Variants in KIF21B observed in about 807,000 individuals in gnomAD.
The protein encoded by KIF21B is kinesin-like protein KIF21B.
Under a neutral mutation model 192.9 loss-of-function variants are expected in KIF21B, and 85 were observed. That is an observed-to-expected ratio of 0.44 (90% CI 0.37 to 0.53). The LOEUF (loss-of-function observed/expected upper bound fraction) is 0.53. Ranked by LOEUF, KIF21B falls within the 20% of genes least tolerant of loss-of-function variation. The probability of loss-of-function intolerance (pLI) is 0.00; values close to 1 mark genes in which losing one functional copy is unlikely to be tolerated. For missense variants in KIF21B, 1,716 were observed against 2,194.8 expected (o/e 0.78, Z 4.36); for synonymous variants, 832 against 884.6 (o/e 0.94, Z 1.05).
chr1:200,973,913 C>T (rs1428364261), intron 34 of KIF21B: 116 of 1,491,812 alleles, frequency 7.8e-5, no homozygotes, highest in South Asian at 2.0e-4. Flanking sequence ...TGGAAAAGGA[C>T]GGTGGGTGCA....
chr1:201,018,512 G>A (rs911837715), intron 1 of KIF21B, among the ~76,000 whole-genome samples: 1 of 152,198 alleles, frequency 6.6e-6, no homozygotes, highest in Admixed American at 6.5e-5. Flanking sequence ...TCATGTTCAC[G>A]GCCACTGTGT....
At chr1:201,006,576 T>C (rs941230967) in intron 3 of KIF21B, among the ~76,000 whole-genome samples, 2 of 152,028 alleles carry the variant, frequency 1.3e-5, no homozygotes. Context: ...ATGGTGCAGA[T>C]GGGGGCCTAC....
chr1:200,975,744 G>A lies in KIF21B; in HGVS notation c.4444-75C>T. The A allele has an allele frequency of 7.0e-7, 1 of 1,420,990 alleles. No individual in the cohort carries two copies. The allele number at this position is 1,420,990 out of a possible 1,614,324, so 88.0% of individuals were successfully genotyped here. On this transcript the variant is annotated intron_variant, in intron 32 of 34. Transcript: ENST00000461742. The surrounding 1 kb of genome is among the most constrained non-coding windows in gnomAD (Gnocchi z 4.3). ...CAGGGCCTACAGCACTGTGGACCCA[G>A]AGGCCTGAAGACCCAGGAGTCTGGC...
intron 34 of KIF21B, chr1:200,974,232 GGGA>G: frequency 6.6e-7 from 1 of 1,516,684 alleles, no homozygotes; most frequent in Non-Finnish European, 8.8e-7. Flanking sequence ...GAGGAGAGGT[GGGA>G]GGAGATGGGA....
chr1:200,974,086 T>C (rs758602711), intron 34 of KIF21B: 30 of 1,611,264 alleles, frequency 1.9e-5, no homozygotes, highest in Non-Finnish European at 2.5e-5. Flanking sequence ...CAGGGAGAGT[T>C]GGGGAGGGTC....
At chr1:200,985,090 A>G (rs1656198928) in intron 26 of KIF21B, 118 bp from the exon 27 acceptor site, 1 of 590,178 alleles carries the variant, frequency 1.7e-6, no homozygotes, top group Non-Finnish European at 2.9e-6. Flanking sequence ...TCTGCTGTGC[A>G]GTATTCTCAG....
In KIF21B at chr1:200,991,095, C is replaced by T. The variant is rs780518567; in HGVS notation, c.2509G>A (p.Ala837Thr). 7.4e-6 allele frequency: 12 copies of T among 1,613,942 alleles called. 1 individual carries two copies. The Middle Eastern group carries it at 5.0e-4, about 67-fold the overall frequency. The change falls in exon 18 of 35, where the codon GCA (alanine) becomes ACA (threonine). Residue 837 changes from alanine to threonine, a missense_variant. Coordinates refer to ENST00000461742, the MANE Select transcript of KIF21B (RefSeq NM_001252102.2). ...KPMSERVAGR[A>T]GLKPPMLDSG... ...TCCAGCATGGGTGGCTTTAGTCCTG[C>T]ACGCCCTGCCACCCGCTCAGACATG...
chr1:200,977,735 AT>A (rs56046486), intron 30 of KIF21B, among the ~76,000 whole-genome samples: 3,824 of 141,902 alleles, frequency 0.027, 85 homozygotes, highest in African/African-American at 0.054. Flanking sequence ...TCTGTTTACT[AT>A]TTTTTTTTTT....
In KIF21B at chr1:200,971,696, G is replaced by A. The variant is rs1655219731; in HGVS notation, c.*1825C>T. 6.6e-6 allele frequency: 1 copy of A among 152,304 alleles called. No homozygotes were observed. The highest frequency in any genetic ancestry group is 2.4e-5 in the African/African-American group (1 of 41,452). 9.4% of individuals were successfully genotyped at this position (152,304 alleles called of 1,614,324 possible). ...TCCCAGGAGACCAGCATCCAAGGGG[G>A]TCTCCTTCCTGCTATCAGCTGCCCC... is the stretch of plus-strand genomic sequence containing the variant. On this transcript the variant is annotated 3_prime_UTR_variant, in exon 35 of 35. Transcript: ENST00000461742.
intron 1 of KIF21B, among the ~76,000 whole-genome samples, chr1:201,018,699 G>A (rs893115205): frequency 6.6e-6 from 1 of 152,192 alleles, no homozygotes; most frequent in African/African-American, 2.4e-5. Context: ...CTATATGATG[G>A]GAATAACATC....
intron 14 of KIF21B, 21 bp from the exon 15 acceptor site, chr1:200,996,416 C>T (rs1657072450): frequency 6.2e-7 from 1 of 1,609,890 alleles, no homozygotes. Flanking sequence ...GGAGACGCAG[C>T]TGTCGGTGCT....
intron 15 of KIF21B, among the ~76,000 whole-genome samples, chr1:200,992,614 C>T (rs1402422398): frequency 6.6e-6 from 1 of 152,240 alleles, no homozygotes; most frequent in African/African-American, 2.4e-5. Flanking sequence ...CACAGCCAGC[C>T]CAGCAGTGCA....
In KIF21B at chr1:200,999,881, ACCT is replaced by A; in HGVS notation, c.1766_1767+1del. On this transcript the variant is annotated splice_donor_variant and coding_sequence_variant, in exon 12 of 35. Coordinates refer to ENST00000461742, the MANE Select transcript of KIF21B (RefSeq NM_001252102.2). LOFTEE classifies it high-confidence loss of function. The surrounding 1 kb of genome is among the most constrained non-coding windows in gnomAD (Gnocchi z 4.7). Reference sequence around the variant, plus strand: ...TGAGGTGGGGCGGCCCGTGCTCCTCACCTCCTCCGCCTCGTTCTCATCCGTCTC... The same window carrying A: ...TGAGGTGGGGCGGCCCGTGCTCCTCACCTCCGCCTCGTTCTCATCCGTCTC... The A allele has an allele frequency of 6.2e-7, 1 of 1,612,996 alleles. No individual in the cohort carries two copies. Among genetic ancestry groups the A allele is most frequent in the Non-Finnish European group, 8.5e-7 (1 of 1,179,860 alleles).
At chr1:201,020,797 C>T (rs1039826791) in intron 1 of KIF21B, among the ~76,000 whole-genome samples, 7 of 123,572 alleles carry the variant, frequency 5.7e-5, no homozygotes, top group Non-Finnish European at 6.3e-5. Context: ...AGCCCTGGGA[C>T]CTCTCTCCTC....
At chr1:201,003,427 G>A in intron 8 of KIF21B, 159 bp downstream of exon 8, 1 of 706,658 alleles carries the variant, frequency 1.4e-6, no homozygotes, top group South Asian at 1.7e-5. Flanking sequence ...AGCATGCCTG[G>A]CACACAACTG....
chr1:201,022,150 G>A (rs573870197), intron 1 of KIF21B, among the ~76,000 whole-genome samples: 2 of 152,346 alleles, frequency 1.3e-5, no homozygotes, highest in Non-Finnish European at 2.9e-5. Flanking sequence ...GGCCTGGCCA[G>A]GTGGCCGTGG....
chr1:201,010,019 G>C (rs779985123), intron 1 of KIF21B, among the ~76,000 whole-genome samples: 1 of 152,216 alleles, frequency 6.6e-6, no homozygotes, highest in Non-Finnish European at 1.5e-5. Flanking sequence ...GGGAAGAGAA[G>C]GAACTGGATG....
intron 1 of KIF21B, among the ~76,000 whole-genome samples, chr1:201,015,829 A>G (rs1558030083): frequency 6.6e-6 from 1 of 152,226 alleles, no homozygotes; most frequent in Non-Finnish European, 1.5e-5. Context: ...TAGCAAAAAG[A>G]ACTTCCTGCC....
intron 1 of KIF21B, among the ~76,000 whole-genome samples, chr1:201,011,868 A>G (rs10920094): frequency 0.56 from 84,479 of 152,170 alleles, 25,684 homozygotes; most frequent in African/African-American, 0.82. Flanking sequence ...GGCAATGCTG[A>G]TGATTGGAGA....
Sources: allele counts gnomAD v4.1 joint callset (sites outside exome capture counted in the v4.1 genomes callset), GRCh38; gene constraint gnomAD v4.1.1; non-coding constraint Gnocchi (gnomAD v3.1); transcripts MANE v1.5; gene names NCBI Gene and HGNC (gene_info 2026-07-23, HGNC 2026-07-21).